Variants in DIP2C observed in about 807,000 individuals in gnomAD.
DIP2C encodes DIP2 acetate--CoA ligase C (putative).
A neutral mutation model predicts 192.4 loss-of-function variants in DIP2C; 33 were observed. That is an observed-to-expected ratio of 0.17 (90% CI 0.13 to 0.23). The LOEUF is 0.23. Among genes scored for constraint, DIP2C ranks in the 10% least tolerant of loss-of-function variants. The pLI, the probability that DIP2C is intolerant of heterozygous loss-of-function variation, is 1.00. For missense variants in DIP2C, 1,537 were observed against 2,110.1 expected (o/e 0.73, Z 5.32); for synonymous variants, 979 against 864.1 (o/e 1.13, Z -2.33).
intron 31 of DIP2C, among the ~76,000 whole-genome samples, chr10:314,572 G>A (rs1331611317): frequency 2.0e-5 from 3 of 152,228 alleles, no homozygotes; most frequent in African/African-American, 4.8e-5. Context: ...TCCTTCCCAT[G>A]GTCTGTGGCC....
At chr10:415,269 A>C (rs1289233157) in intron 7 of DIP2C, among the ~76,000 whole-genome samples, 1 of 152,120 alleles carries the variant, frequency 6.6e-6, no homozygotes, top group Non-Finnish European at 1.5e-5. Flanking sequence ...TAAGATACTA[A>C]GGAGCTCAAG....
chr10:413,093 C>G (rs1259826520), intron 8 of DIP2C, among the ~76,000 whole-genome samples: 1 of 152,052 alleles, frequency 6.6e-6, no homozygotes, highest in African/African-American at 2.4e-5. Flanking sequence ...TGCCTCAGCT[C>G]CCAAGCAGCT....
chr10:283,596 G>T, intron 34 of DIP2C, 150 bp from the exon 35 acceptor site: 3 of 1,089,158 alleles, frequency 2.8e-6, no homozygotes, highest in Admixed American at 2.8e-5. Flanking sequence ...AATCTCATTC[G>T]GGTTTCTCGA....
In DIP2C at chr10:329,549, T is replaced by C; in HGVS notation, c.3637A>G (p.Asn1213Asp). 6.2e-7 allele frequency: 1 copy of C among 1,614,188 alleles called. No homozygotes were observed. The highest frequency in any genetic ancestry group is 8.5e-7 in the Non-Finnish European group (1 of 1,180,038). Reference protein sequence around the residue: ...ILIPPSELETNPALWLLAVSQ... With the variant: ...ILIPPSELETDPALWLLAVSQ... ...ACGGCAAGAAGCCACAAGGCGGGGT[T>C]GGTTTCCAGCTCAGAGGGCGGGATC... Residue 1213 changes from asparagine to aspartate, a missense_variant, in exon 30 of 37, where the codon AAC becomes GAC. Asn to Asp is a conservative substitution (Grantham distance 23, BLOSUM62 1). Coordinates refer to ENST00000280886, the MANE Select transcript of DIP2C (RefSeq NM_014974.3).
intron 32 of DIP2C, among the ~76,000 whole-genome samples, chr10:300,819 C>G (rs1162497738): frequency 1.5e-5 from 2 of 135,988 alleles, no homozygotes; most frequent in East Asian, 4.8e-4. Context: ...CGGCCCTGAG[C>G]GTGTGGAGAA....
intron 1 of DIP2C, among the ~76,000 whole-genome samples, chr10:648,167 G>C (rs902069034): frequency 1.3e-5 from 2 of 151,430 alleles, no homozygotes; most frequent in African/African-American, 2.4e-5. Context: ...ATTGGACAGT[G>C]GGCAAGAACA....
rs1849601530 is a variant in DIP2C, at chr10:568,786, A to AAAAC, written c.86-82257_86-82256insGTTT. ...GTCTCAAAAAAAAAAAAAAAAAAAAAAAAAAAAAAAAACCTTCACTTGATC... is the reference window on the plus strand; with the variant it reads ...GTCTCAAAAAAAAAAAAAAAAAAAAAAAACAAAAAAAAAAAACCTTCACTTGATC... On this transcript the variant is annotated intron_variant, in intron 1 of 36. Coordinates refer to ENST00000280886, the MANE Select transcript of DIP2C (RefSeq NM_014974.3). Among the ~76,000 whole-genome samples, 3 of 146,174 alleles carry AAAAC rather than the reference A, an allele frequency of 2.1e-5. 1 individual carries two copies. The highest frequency in any genetic ancestry group is 2.2e-4 in the South Asian group (1 of 4,578).
At chr10:619,400 T>C (rs751657032) in intron 1 of DIP2C, among the ~76,000 whole-genome samples, 10 of 152,208 alleles carry the variant, frequency 6.6e-5, no homozygotes, top group Non-Finnish European at 1.3e-4. Flanking sequence ...CCTCAGCCTC[T>C]AGAGGCTTCC....
chr10:670,210 A>G (rs956463442), intron 1 of DIP2C, among the ~76,000 whole-genome samples: 1 of 152,222 alleles, frequency 6.6e-6, no homozygotes, highest in Non-Finnish European at 1.5e-5. Context: ...ACATGTATGC[A>G]CACATACGCA....
intron 1 of DIP2C, among the ~76,000 whole-genome samples, chr10:576,898 A>G (rs1850195401): frequency 6.6e-6 from 1 of 152,000 alleles, no homozygotes; most frequent in Non-Finnish European, 1.5e-5. Context: ...AGCCTGGGTG[A>G]CAGAGCAAGA....
chr10:674,366 G>C (rs1022354041), intron 1 of DIP2C, among the ~76,000 whole-genome samples: 1 of 150,350 alleles, frequency 6.7e-6, no homozygotes, highest in Non-Finnish European at 1.5e-5. Context: ...GAGACAAAAA[G>C]GTAATTATAT....
intron 1 of DIP2C, among the ~76,000 whole-genome samples, chr10:660,477 T>G (rs1029187509): frequency 6.6e-6 from 1 of 152,198 alleles, no homozygotes; most frequent in African/African-American, 2.4e-5. Context: ...ATGAAACAGA[T>G]TCTAGCCCTT....
rs77757670 is a variant in DIP2C at position 346,881 on chromosome 10, G to A, written c.3231+1760C>T. Reference sequence around the variant, plus strand: ...TCACACGCACCCAGACACATCACGCGTAGTTCTCCCGGAAACGTCACACGC... The same window carrying A: ...TCACACGCACCCAGACACATCACGCATAGTTCTCCCGGAAACGTCACACGC... On this transcript the variant is annotated intron_variant, in intron 26 of 36. Coordinates refer to ENST00000280886, the MANE Select transcript of DIP2C (RefSeq NM_014974.3). 0.02 allele frequency among the ~76,000 whole-genome samples: 14 copies of A among 710 alleles called. 7 individuals carry two copies. In the Non-Finnish European group the frequency reaches 0.42, roughly 21 times the overall value. 0.5% of individuals were successfully genotyped at this position (710 alleles called of 152,430 possible). A position where few individuals can be genotyped will look rare whatever the true frequency, so the allele number is the denominator to read the frequency against.
intron 14 of DIP2C, 65 bp from the exon 15 acceptor site, chr10:384,704 C>G: frequency 3.3e-6 from 5 of 1,536,458 alleles, no homozygotes; most frequent in Non-Finnish European, 4.5e-6. Context: ...AGCTCTCACC[C>G]AGTGGCATGG....
Position 344,798 on chromosome 10 carries a change from A to AC in DIP2C, c.3453+10dup, listed in dbSNP as rs1387466638. 5 of 1,573,812 alleles carry AC rather than the reference A, an allele frequency of 3.2e-6. No individual in the cohort carries two copies. The highest frequency in any genetic ancestry group is 1.9e-5 in the Admixed American group (1 of 52,888). On this transcript the variant is annotated intron_variant, in intron 28 of 36. Transcript: ENST00000280886. ...GCCTCCATGGCCACCGCCCGCAGCC[A>AC]CCCCCCTCACCTTTACGCCAGCTAG...
intron 5 of DIP2C, among the ~76,000 whole-genome samples, chr10:419,559 C>T (rs915866952): frequency 2.6e-5 from 4 of 152,140 alleles, no homozygotes; most frequent in African/African-American, 7.2e-5. Context: ...GTCGACGCAG[C>T]CAAAGGCCTG....
chr10:623,841 TATGA>T (rs1854032138), intron 1 of DIP2C, among the ~76,000 whole-genome samples: 1 of 152,140 alleles, frequency 6.6e-6, no homozygotes, highest in African/African-American at 2.4e-5. Flanking sequence ...TCCATGCCCC[TATGA>T]ATGCTGCCAA....
At chr10:391,004 T>G in intron 10 of DIP2C, 141 bp from the exon 11 acceptor site, 2 of 1,269,218 alleles carry the variant, frequency 1.6e-6, no homozygotes, top group South Asian at 1.5e-5. Flanking sequence ...TTGGTATCTG[T>G]GGGACCCTGA....
Position 414,095 on chromosome 10 carries a change from G to A in DIP2C, c.875C>T (p.Pro292Leu), listed in dbSNP as rs757790883. Residue 292 changes from proline to leucine, a missense_variant, in exon 8 of 37, where the codon CCG (proline) becomes CTG (leucine). Pro to Leu is a moderately conservative substitution (Grantham distance 98, BLOSUM62 -3). Transcript: ENST00000280886. ...GGCCCCCTCCGGCTTTGGTTGGTTCGGATCCGGTTGTTGAACTAAATCGTT... is the reference window on the plus strand; with the variant it reads ...GGCCCCCTCCGGCTTTGGTTGGTTCAGATCCGGTTGTTGAACTAAATCGTT... ...EELLEVQQPDPNQPKPEGAQM... is the reference protein window; with the variant it reads ...EELLEVQQPDLNQPKPEGAQM... 44 of 1,612,106 alleles carry A rather than the reference G, an allele frequency of 2.7e-5. No homozygotes were observed. The highest frequency in any genetic ancestry group is 3.2e-5 in the Non-Finnish European group (38 of 1,178,492).
Sources: allele counts gnomAD v4.1 joint callset (sites outside exome capture counted in the v4.1 genomes callset), GRCh38; gene constraint gnomAD v4.1.1; transcripts MANE v1.5; gene names NCBI Gene and HGNC (gene_info 2026-07-23, HGNC 2026-07-21).